PDE1C: variants seen among roughly 807,000 people sequenced by gnomAD.
PDE1C encodes dual specificity calcium/calmodulin-dependent 3',5'-cyclic nucleotide phosphodiesterase 1C.
Under a neutral mutation model 93.1 loss-of-function variants are expected in PDE1C, and 62 were observed. The ratio of observed to expected loss-of-function variants is 0.67; its 90% CI spans 0.54 to 0.82. The LOEUF (loss-of-function observed/expected upper bound fraction) is 0.82. Among genes scored for constraint, PDE1C ranks in the 40% least tolerant of loss-of-function variants. PDE1C has a pLI of 0.00. For synonymous variants in PDE1C, 325 were observed against 310.1 expected, an observed-to-expected ratio of 1.05 and a Z score of -0.50; for missense variants, 742 against 884.6, an observed-to-expected ratio of 0.84 and a Z score of 2.04.
chr7:31,959,749 G>A (rs1310391440), intron 2 of PDE1C, among the ~76,000 whole-genome samples: 1 of 152,128 alleles, frequency 6.6e-6, no homozygotes, highest in African/African-American at 2.4e-5. Flanking sequence ...TTAAGGAGGA[G>A]AATAGGTGCC....
At chr7:32,266,496 T>G (rs1188782218) in intron 1 of PDE1C, among the ~76,000 whole-genome samples, 1 of 147,302 alleles carries the variant, frequency 6.8e-6, no homozygotes, top group Non-Finnish European at 1.5e-5. Flanking sequence ...TGAGACTCCG[T>G]CAAAAAAAAA....
intron 17 of PDE1C, among the ~76,000 whole-genome samples, chr7:31,758,383 T>G (rs935238678): frequency 6.6e-6 from 1 of 152,142 alleles, no homozygotes; most frequent in Admixed American, 6.6e-5. Flanking sequence ...CAAGTATGCC[T>G]CATAAAAGCC....
At chr7:31,654,419 T>G in the PDE1C span, among the ~76,000 whole-genome samples, 21 of 152,178 alleles carry the variant, frequency 1.4e-4, no homozygotes, top group Admixed American at 5.9e-4. Flanking sequence ...ATCTGAATCC[T>G]TTTTCCAAGG....
intron 2 of PDE1C, among the ~76,000 whole-genome samples, chr7:32,177,719 C>A (rs749487194): frequency 2.6e-5 from 4 of 152,230 alleles, no homozygotes; most frequent in Non-Finnish European, 4.4e-5. Context: ...GCCTGATCCC[C>A]CCTCTGCCCA....
At chr7:31,620,429 A>G in the PDE1C span, among the ~76,000 whole-genome samples, 1 of 151,878 alleles carries the variant, frequency 6.6e-6, no homozygotes, top group South Asian at 2.1e-4. Context: ...AGGAACGATC[A>G]GACAGCAGCA....
At position 31,927,852 on chromosome 7, in the gene PDE1C, G is replaced by GA. The variant is rs149521057; in HGVS notation, c.129-46993dup. On this transcript the variant is annotated intron_variant, in intron 2 of 17. Coordinates refer to ENST00000396191, the MANE Select transcript of PDE1C (RefSeq NM_001191057.4). ...GAGGAAAAACCAGTGCAAAAATGCT[G>GA]AAAATTCCAAAAACCAGAATACCTC... 5.4e-3 allele frequency among the ~76,000 whole-genome samples: 816 copies of GA among 152,230 alleles called. 9 individuals are homozygous for GA. Among genetic ancestry groups the GA allele is most frequent in the African/African-American group, 0.018 (758 of 41,558 alleles).
At position 32,193,893 on chromosome 7, in the gene PDE1C, G is replaced by GT. The variant is rs869297947; in HGVS notation, c.136+15595dup. Among the ~76,000 whole-genome samples, 1,083 of 132,366 alleles carry GT rather than the reference G, an allele frequency of 8.2e-3. 14 individuals are homozygous for GT. Among genetic ancestry groups the GT allele is most frequent in the African/African-American group, 0.025 (928 of 36,452 alleles). The allele number at this position is 132,366 out of a possible 152,430, so 86.8% of individuals were successfully genotyped here. On this transcript the variant is annotated intron_variant, in intron 2 of 18. Transcript: ENST00000396193. ...TGGATGAGTTTTGGTAGTTTATGTGGTTTTTTTTTTTGGTTTTGTTTTGTT... is the reference window on the plus strand; with the variant it reads ...TGGATGAGTTTTGGTAGTTTATGTGGTTTTTTTTTTTTGGTTTTGTTTTGTT...
intron 2 of PDE1C, among the ~76,000 whole-genome samples, chr7:31,964,031 C>T (rs114320976): frequency 3.9e-5 from 6 of 152,144 alleles, no homozygotes; most frequent in Admixed American, 6.5e-5. Context: ...CCAGTGTGAG[C>T]GATAAAGAAG....
chr7:32,290,644 A>G (rs114031235), intron 1 of PDE1C, among the ~76,000 whole-genome samples: 2,899 of 152,190 alleles, frequency 0.019, 99 homozygotes, highest in African/African-American at 0.066. Flanking sequence ...TTGCCTTTCC[A>G]CCTGGCATCC....
At chr7:31,775,390 C>G (rs556775252) in intron 17 of PDE1C, among the ~76,000 whole-genome samples, 178 of 152,206 alleles carry the variant, frequency 1.2e-3, no homozygotes, top group Non-Finnish European at 1.1e-3. Flanking sequence ...AAGGCAGATC[C>G]TTCCATAGCA....
intron 2 of PDE1C, among the ~76,000 whole-genome samples, chr7:31,884,885 G>A (rs751750533): frequency 2.3e-4 from 35 of 152,224 alleles, no homozygotes; most frequent in Non-Finnish European, 4.1e-4. Context: ...TCTTAAGAAG[G>A]GTTGTCTGAA....
chr7:31,693,327 A>G, the PDE1C span, among the ~76,000 whole-genome samples: 37 of 152,334 alleles, frequency 2.4e-4, no homozygotes, highest in Admixed American at 1.6e-3. Context: ...GGCAGTACCC[A>G]TTCAGAGCAG....
chr7:31,654,924 G>C, the PDE1C span, among the ~76,000 whole-genome samples: 1 of 152,054 alleles, frequency 6.6e-6, no homozygotes, highest in Admixed American at 6.5e-5. Context: ...ACTCAGCGGG[G>C]CCTTCCTACC....
chr7:32,381,374 CA>C (rs1784531398), intron 1 of PDE1C, among the ~76,000 whole-genome samples: 1 of 152,106 alleles, frequency 6.6e-6, no homozygotes, highest in African/African-American at 2.4e-5. Context: ...GGAAGTTTCA[CA>C]GCTCTGCTCA....
intron 2 of PDE1C, among the ~76,000 whole-genome samples, chr7:31,925,704 A>C (rs979858188): frequency 6.6e-6 from 1 of 152,228 alleles, no homozygotes; most frequent in Admixed American, 6.5e-5. Flanking sequence ...TTAATAAAAA[A>C]TAAAATGTCT....
intron 6 of PDE1C, among the ~76,000 whole-genome samples, chr7:31,872,242 T>A (rs1583705017): frequency 6.6e-6 from 1 of 151,444 alleles, no homozygotes; most frequent in South Asian, 2.1e-4. Context: ...GTATAGGGGG[T>A]TGGTGATAAA....
chr7:31,631,868 C>T, the PDE1C span, among the ~76,000 whole-genome samples: 1 of 152,176 alleles, frequency 6.6e-6, no homozygotes, highest in Non-Finnish European at 1.5e-5. Flanking sequence ...ATAACTACTA[C>T]TATTTTCAGT....
intron 3 of PDE1C, among the ~76,000 whole-genome samples, chr7:32,079,952 G>T (rs978337650): frequency 6.6e-6 from 1 of 152,146 alleles, no homozygotes; most frequent in Non-Finnish European, 1.5e-5. Flanking sequence ...AAGTGGTCAC[G>T]GATGGCCTCC....
At chr7:31,825,830 C>T (rs965765141) in intron 12 of PDE1C, among the ~76,000 whole-genome samples, 1 of 151,994 alleles carries the variant, frequency 6.6e-6, no homozygotes, top group African/African-American at 2.4e-5. Flanking sequence ...GCAGGGAAAA[C>T]AGGAAATAGA....
Sources: allele counts gnomAD v4.1 joint callset (sites outside exome capture counted in the v4.1 genomes callset), GRCh38; gene constraint gnomAD v4.1.1; transcripts MANE v1.5; gene names NCBI Gene and HGNC (gene_info 2026-07-23, HGNC 2026-07-21).